The following SPRYD3 variants were observed in gnomAD, a reference collection of about 807,000 sequenced individuals.
The protein encoded by SPRYD3 is SPRY domain-containing protein 3.
In SPRYD3, 17 loss-of-function variants were observed where a neutral mutation model predicts 50.1. The observed-to-expected ratio is 0.34, with a 90% CI of 0.23 to 0.51. SPRYD3 has a LOEUF of 0.51. Ranked by LOEUF, SPRYD3 falls within the 20% of genes least tolerant of loss-of-function variation. The pLI is 0.97. For synonymous variants in SPRYD3, 198 were observed against 215.5 expected (o/e 0.92, Z 0.71); for missense variants, 401 against 591.2 (o/e 0.68, Z 3.34).
At chr12:53,076,784 C>T (rs1401083410) in intron 2 of SPRYD3, among the ~76,000 whole-genome samples, 1 of 151,984 alleles carries the variant, frequency 6.6e-6, no homozygotes, top group Non-Finnish European at 1.5e-5. Flanking sequence ...CCTGTCTCTA[C>T]CAAAAATATA....
intron 6 of SPRYD3, 113 bp downstream of exon 6, chr12:53,073,173 G>A (rs560824740): frequency 7.3e-5 from 50 of 681,892 alleles, no homozygotes; most frequent in East Asian, 7.0e-4. Flanking sequence ...AACCCCACAC[G>A]GACACTGTCC....
chr12:53,073,643 A>G (rs560968795), intron 5 of SPRYD3, among the ~76,000 whole-genome samples, 172 bp from the exon 6 acceptor site: 9 of 151,924 alleles, frequency 5.9e-5, no homozygotes, highest in Non-Finnish European at 8.8e-5. Context: ...AGGAGATTGA[A>G]ACCATCCTGG....
chr12:53,077,613 G>A (rs1944598843), intron 1 of SPRYD3, among the ~76,000 whole-genome samples: 1 of 152,208 alleles, frequency 6.6e-6, no homozygotes, highest in Non-Finnish European at 1.5e-5. Flanking sequence ...GACAGAGGCG[G>A]TCTCTCTGAG....
At chr12:53,075,356 TAA>T in intron 3 of SPRYD3, 137 bp from the exon 4 acceptor site, 1 of 893,862 alleles carries the variant, frequency 1.1e-6, no homozygotes, top group Non-Finnish European at 1.7e-6. Context: ...GGAAAAAAGA[TAA>T]GATACTCAGA....
intron 6 of SPRYD3, among the ~76,000 whole-genome samples, chr12:53,071,018 A>G (rs911393196): frequency 6.6e-6 from 1 of 151,090 alleles, no homozygotes; most frequent in Non-Finnish European, 1.5e-5. Context: ...TGCACTCCAC[A>G]CCCTCCCTCT....
intron 8 of SPRYD3, 75 bp downstream of exon 8, chr12:53,067,573 G>T: frequency 6.9e-7 from 1 of 1,440,772 alleles, no homozygotes; most frequent in Non-Finnish European, 9.8e-7. Flanking sequence ...GAGGGGCCAG[G>T]AGAGGGGAAA....
At chr12:53,073,517 A>G (rs1944565227) in intron 5 of SPRYD3, 46 bp from the exon 6 acceptor site, 3 of 1,440,612 alleles carry the variant, frequency 2.1e-6, no homozygotes, top group South Asian at 1.3e-5. Context: ...CTGCTTTTCC[A>G]TAGCTCACCT....
chr12:53,076,970 A>C, intron 2 of SPRYD3, 145 bp downstream of exon 2: 1 of 701,462 alleles, frequency 1.4e-6, no homozygotes, highest in Non-Finnish European at 2.3e-6. Context: ...AGAAAAAGAA[A>C]GGCCTCTGGA....
In SPRYD3 at chr12:53,074,730, C is replaced by T; in HGVS notation, c.426G>A (p.Gly142=). 1 of 1,614,264 alleles carries T rather than the reference C, an allele frequency of 6.2e-7. No homozygotes were observed. The highest frequency in any genetic ancestry group is 8.5e-7 in the Non-Finnish European group (1 of 1,180,052). Residue 142 remains glycine (G), a synonymous_variant, in exon 5 of 11, where the codon GGG becomes GGA. Transcript: ENST00000301463. This position sits in a 1 kb window ranked among gnomAD's most constrained non-coding sequence, Gnocchi z 4.6. ...GCTCAATGCCACAGCCAATCCGGTCCCCGGAGTTGCACTTTGACCCAAACT... is the reference window on the plus strand; with the variant it reads ...GCTCAATGCCACAGCCAATCCGGTCTCCGGAGTTGCACTTTGACCCAAACT... The part of the protein sequence containing the change: ...GRQFGSKCNS[G]DRIGCGIEPV...
rs371708305 is a variant in SPRYD3, at chr12:53,074,598, A to G, written c.507+51T>C. 2,003 of 1,611,790 alleles carry G rather than the reference A, an allele frequency of 1.2e-3. 6 individuals are homozygous for G. Among genetic ancestry groups the G allele is most frequent in the Admixed American group, 2.0e-3 (119 of 59,942 alleles). On this transcript the variant is annotated intron_variant, in intron 5 of 10. Coordinates refer to ENST00000301463, the MANE Select transcript of SPRYD3 (RefSeq NM_032840.3). The surrounding 1 kb of genome is among the most constrained non-coding windows in gnomAD (Gnocchi z 4.6). The stretch of plus-strand genomic sequence containing the variant: ...GACTCTTCCTAATCACTCCCCACAA[A>G]TCCTTGGGCAGATTTCAGCCACGTA...
At chr12:53,072,313 C>G (rs765734634) in intron 6 of SPRYD3, among the ~76,000 whole-genome samples, 2 of 152,136 alleles carry the variant, frequency 1.3e-5, no homozygotes, top group Admixed American at 6.5e-5. Flanking sequence ...CACTTCCTGT[C>G]ATTTTCCCTG....
At chr12:53,067,823 ACACTCATACCCT>A in intron 7 of SPRYD3, 118 bp from the exon 8 acceptor site, 1 of 940,580 alleles carries the variant, frequency 1.1e-6, no homozygotes, top group Non-Finnish European at 1.7e-6. Context: ...CCAACCCTGC[ACACTCATACCCT>A]GCAGGCACTG....
chr12:53,078,050 G>A (rs916847350), intron 1 of SPRYD3: 1 of 445,116 alleles, frequency 2.2e-6, no homozygotes, highest in Non-Finnish European at 4.5e-6. Context: ...GCCAGGTGTG[G>A]CAGCATGCAC....
In SPRYD3 at chr12:53,079,300, TC is replaced by T; in HGVS notation, c.23+10del. The T allele has an allele frequency of 6.2e-7, 1 of 1,605,738 alleles. No individual in the cohort carries two copies. The highest frequency in any genetic ancestry group is 8.5e-7 in the Non-Finnish European group (1 of 1,176,552). Reference sequence around the variant, plus strand: ...GAGGCCTCCGGGACCCCGCCCCCGATCCCCGCCTACCGGGGCCGCCGCGTCC... The same window carrying T: ...GAGGCCTCCGGGACCCCGCCCCCGATCCCGCCTACCGGGGCCGCCGCGTCC... On this transcript the variant is annotated intron_variant, in intron 1 of 10. Transcript: ENST00000301463.
In SPRYD3 at chr12:53,074,542, G is replaced by A. The variant is rs1944574185; in HGVS notation, c.507+107C>T. On this transcript the variant is annotated intron_variant, in intron 5 of 10. Coordinates refer to ENST00000301463, the MANE Select transcript of SPRYD3 (RefSeq NM_032840.3). The surrounding 1 kb of genome is among the most constrained non-coding windows in gnomAD (Gnocchi z 4.6). ...GGACTGGAGGAGATGGGAACTCAGT[G>A]CAAGGGTCCCTGGGCAAGCCCCAGC... 5 of 1,400,204 alleles carry A rather than the reference G, an allele frequency of 3.6e-6. No individual in the cohort carries two copies. The South Asian group carries it at 3.8e-5, about 11-fold the overall frequency. 86.7% of individuals were successfully genotyped at this position (1,400,204 alleles called of 1,614,324 possible). A position where few individuals can be genotyped will look rare whatever the true frequency, so the allele number is the denominator to read the frequency against.
chr12:53,069,060 G>A (rs1168574812), intron 6 of SPRYD3, among the ~76,000 whole-genome samples: 1 of 152,116 alleles, frequency 6.6e-6, no homozygotes, highest in Non-Finnish European at 1.5e-5. Context: ...GGATAGGGGA[G>A]ATGACTGATG....
chr12:53,075,223 G>C lies in SPRYD3; in HGVS notation c.247-4C>G. ...CTCCACTGTCCACAATAGACACCTG[G>C]AGAGAAGAAAGCAGGGCACAGTCAG... is the stretch of plus-strand genomic sequence containing the variant. On this transcript the variant is annotated splice_polypyrimidine_tract_variant and splice_region_variant and intron_variant, in intron 3 of 10. Transcript: ENST00000301463. 1 of 1,597,944 alleles carries C rather than the reference G, an allele frequency of 6.3e-7. No homozygotes were observed. Among genetic ancestry groups the C allele is most frequent in the South Asian group, 1.1e-5 (1 of 90,736 alleles).
intron 6 of SPRYD3, among the ~76,000 whole-genome samples, chr12:53,072,642 C>T (rs988522569): frequency 2.0e-5 from 3 of 152,190 alleles, no homozygotes; most frequent in Non-Finnish European, 4.4e-5. Context: ...ACTTAAAATC[C>T]GGGGAGGAAG....
Position 53,074,675 on chromosome 12 carries a change from T to G in SPRYD3, c.481A>C (p.Ile161Leu), listed in dbSNP as rs762826814. 2 of 1,614,276 alleles carry G rather than the reference T, an allele frequency of 1.2e-6. No individual in the cohort carries two copies. Among genetic ancestry groups the G allele is most frequent in the South Asian group, 2.2e-5 (2 of 91,092 alleles). The stretch of plus-strand genomic sequence containing the variant: ...CGCTTCCCATTTTTGGTGAAGAAGA[T>G]CTGGGCGGTCTGCACATCAAAGGAC... ...PVSFDVQTAQ[I>L]FFTKNGKRVG... The change falls in exon 5 of 11, where the codon ATC (isoleucine) becomes CTC (leucine). Residue 161 changes from isoleucine to leucine, a missense_variant. Coordinates refer to ENST00000301463, the MANE Select transcript of SPRYD3 (RefSeq NM_032840.3). The surrounding 1 kb of genome is among the most constrained non-coding windows in gnomAD (Gnocchi z 4.6).
Sources: allele counts gnomAD v4.1 joint callset (sites outside exome capture counted in the v4.1 genomes callset), GRCh38; gene constraint gnomAD v4.1.1; non-coding constraint Gnocchi (gnomAD v3.1); transcripts MANE v1.5; gene names NCBI Gene and HGNC (gene_info 2026-07-23, HGNC 2026-07-21).